The following COL6A6 variants were observed in gnomAD, a reference collection of about 807,000 sequenced individuals.
COL6A6 encodes collagen alpha-6(VI) chain.
Under a neutral mutation model 208.6 loss-of-function variants are expected in COL6A6, and 183 were observed. That is an observed-to-expected ratio of 0.88 (90% confidence interval 0.78 to 0.99). The LOEUF is 0.99. Among genes scored for constraint, COL6A6 ranks in the 50% least tolerant of loss-of-function variants. The probability of loss-of-function intolerance (pLI) is 0.00; values close to 1 mark genes in which losing one functional copy is unlikely to be tolerated. For missense variants in COL6A6, 2,816 were observed against 2,815.2 expected (o/e 1.00, Z -0.01); for synonymous variants, 973 against 1,011.8 (o/e 0.96, Z 0.73).
rs988558523 is a variant in COL6A6, at chr3:130,571,326, G to T, written c.2910G>T (p.Glu970Asp). The change falls in exon 7 of 37, where the codon GAG becomes GAT. Residue 970 changes from glutamate (E) to aspartate (D), a missense_variant. By Grantham distance (45) the Glu-to-Asp change is conservative. Coordinates refer to ENST00000358511, the MANE Select transcript of COL6A6 (RefSeq NM_001102608.3). ...CAAGCGACAAGTACTTCTTCGTGGA[G>T]ACTTTTGGAGGTCTGAAGGGAATAT... ...AGSSDKYFFV[E>D]TFGGLKGIFS... 4 of 1,613,114 alleles carry T rather than the reference G, an allele frequency of 2.5e-6. No individual in the cohort carries two copies. The highest frequency in any genetic ancestry group is 3.4e-6 in the Non-Finnish European group (4 of 1,179,634).
chr3:130,622,838 C>T (rs952750504), intron 24 of COL6A6, among the ~76,000 whole-genome samples: 10 of 151,918 alleles, frequency 6.6e-5, no homozygotes, highest in African/African-American at 2.4e-4. Context: ...GCCTGGGCGA[C>T]AGAGCGAGAC....
intron 1 of COL6A6, among the ~76,000 whole-genome samples, chr3:130,545,787 G>A (rs543804176): frequency 2.0e-5 from 3 of 152,112 alleles, no homozygotes; most frequent in Non-Finnish European, 4.4e-5. Flanking sequence ...GATTGTCTAT[G>A]GTTTGAAAGT....
At chr3:130,643,061 G>A (rs756522130) in intron 31 of COL6A6, 38 bp downstream of exon 31, 1 of 1,602,912 alleles carries the variant, frequency 6.2e-7, no homozygotes, top group South Asian at 1.1e-5. Flanking sequence ...CAAGTTGTCA[G>A]CATTCATACA....
chr3:130,649,188 A>G lies in COL6A6; in HGVS notation c.5359A>G (p.Ile1787Val). 6.3e-7 allele frequency: 1 copy of G among 1,595,332 alleles called. No individual in the cohort carries two copies. Residue 1787 changes from isoleucine (I) to valine (V), a missense_variant, in exon 33 of 37, where the codon ATT becomes GTT. Ile to Val is a conservative substitution (Grantham distance 29). Transcript: ENST00000358511. ...GATGATGGCTTTCCTGGTGAGAGAC[A>G]TTAAGGTCCGGGAGAACAGCTGCCC... ...KEMMAFLVRD[I>V]KVRENSCPVG...
rs1472916651 is a variant in COL6A6, at chr3:130,566,929, G to C, written c.1510G>C (p.Glu504Gln). Residue 504 changes from glutamate to glutamine, a missense_variant, in exon 5 of 37, where the codon GAG (glutamate) becomes CAG (glutamine). Glu to Gln is a conservative substitution (Grantham distance 29). Transcript: ENST00000358511. ...CAAGCAGGATTTGGGAAAGGCCATT[G>C]AGAATATCAGGCAGATGGGTGGGAA... ...SNKQDLGKAI[E>Q]NIRQMGGNTN... is the part of the protein sequence containing the mutation. 6.2e-7 allele frequency: 1 copy of C among 1,613,934 alleles called. No homozygotes were observed. The highest frequency in any genetic ancestry group is 1.1e-5 in the South Asian group (1 of 91,074).
chr3:130,622,239 AC>A (rs1330255657), intron 24 of COL6A6, among the ~76,000 whole-genome samples: 9 of 120,642 alleles, frequency 7.5e-5, no homozygotes, highest in Admixed American at 2.5e-4. Flanking sequence ...CTCCATTCAC[AC>A]AAACTTTTGG....
At chr3:130,606,324 T>G (rs2064181942) in intron 20 of COL6A6, among the ~76,000 whole-genome samples, 1 of 152,220 alleles carries the variant, frequency 6.6e-6, no homozygotes, top group Non-Finnish European at 1.5e-5. Context: ...CTCGATTATG[T>G]AGTATCATTT....
chr3:130,593,152 T>C (rs2063761446), intron 16 of COL6A6, 47 bp downstream of exon 16: 1 of 1,611,452 alleles, frequency 6.2e-7, no homozygotes, highest in Non-Finnish European at 8.5e-7. Flanking sequence ...TATTTACCAT[T>C]ATGAAAACGA....
At chr3:130,610,019 C>T (rs2064308757) in intron 22 of COL6A6, among the ~76,000 whole-genome samples, 1 of 146,086 alleles carries the variant, frequency 6.8e-6, no homozygotes, top group African/African-American at 2.6e-5. Flanking sequence ...TGTGGGGAAG[C>T]ATTTCAATAG....
chr3:130,574,653 G>A, intron 8 of COL6A6, 128 bp downstream of exon 8: 1 of 723,010 alleles, frequency 1.4e-6, no homozygotes, highest in Middle Eastern at 2.4e-4. Flanking sequence ...TTCAAATTGA[G>A]CTTTTCACAG....
At chr3:130,639,800 A>T (rs2065260723) in intron 28 of COL6A6, among the ~76,000 whole-genome samples, 1 of 152,068 alleles carries the variant, frequency 6.6e-6, no homozygotes, top group Non-Finnish European at 1.5e-5. Context: ...TTTGTTTAGC[A>T]AACCTCTGAA....
At chr3:130,560,831 G>A (rs750439675) in intron 2 of COL6A6, among the ~76,000 whole-genome samples, 2 of 152,194 alleles carry the variant, frequency 1.3e-5, no homozygotes, top group Non-Finnish European at 2.9e-5. Flanking sequence ...TGCTTATTGT[G>A]AAGAAAGTGC....
intron 1 of COL6A6, among the ~76,000 whole-genome samples, chr3:130,521,004 C>G (rs1711038979): frequency 6.6e-6 from 1 of 152,110 alleles, no homozygotes; most frequent in African/African-American, 2.4e-5. Flanking sequence ...ATATACAAAC[C>G]AACTTAGTCT....
At chr3:130,616,721 G>A (rs1463825981) in intron 23 of COL6A6, among the ~76,000 whole-genome samples, 3 of 152,096 alleles carry the variant, frequency 2.0e-5, no homozygotes, top group Admixed American at 2.0e-4. Context: ...GTCCGGAGTA[G>A]AATTTCTGTT....
chr3:130,661,534 T>A, intron 34 of COL6A6, 103 bp from the exon 35 acceptor site: 1 of 890,814 alleles, frequency 1.1e-6, no homozygotes, highest in African/African-American at 1.7e-5. Flanking sequence ...AGTCACTATT[T>A]TAACATCAAA....
At chr3:130,572,563 T>C (rs2107942596) in intron 7 of COL6A6, among the ~76,000 whole-genome samples, 1 of 152,304 alleles carries the variant, frequency 6.6e-6, no homozygotes, top group East Asian at 1.9e-4. Flanking sequence ...AATAAAATCT[T>C]TCTGGGTCTT....
chr3:130,555,510 C>A (rs1344392352), intron 1 of COL6A6, among the ~76,000 whole-genome samples: 2 of 152,182 alleles, frequency 1.3e-5, no homozygotes, highest in East Asian at 3.9e-4. Context: ...CATCTTGCCC[C>A]CTGTCCCTGT....
intron 1 of COL6A6, among the ~76,000 whole-genome samples, chr3:130,526,462 T>C (rs1470241060): frequency 1.3e-5 from 2 of 152,150 alleles, no homozygotes; most frequent in Admixed American, 6.5e-5. Context: ...CTAAGTGTGA[T>C]GAAAAGTCAC....
chr3:130,525,055 A>AGT (rs2061932480), intron 1 of COL6A6, among the ~76,000 whole-genome samples: 1 of 152,218 alleles, frequency 6.6e-6, no homozygotes, highest in African/African-American at 2.4e-5. Context: ...AATCCTTACA[A>AGT]CAACCCATTA....
Sources: gnomAD v4.1 joint callset for allele counts (sites outside exome capture counted in the v4.1 genomes callset) on GRCh38, gnomAD v4.1.1 for gene constraint, MANE v1.5 for transcripts, NCBI Gene and HGNC (gene_info 2026-07-23, HGNC 2026-07-21) for gene names.